TAF2: variants seen among roughly 807,000 people sequenced by gnomAD.
The protein encoded by TAF2 is transcription initiation factor TFIID subunit 2.
Under a neutral mutation model 138.5 loss-of-function variants are expected in TAF2, and 61 were observed. That is an observed-to-expected ratio of 0.44 (90% CI 0.36 to 0.54). TAF2 has a LOEUF of 0.54. Among genes scored for constraint, TAF2 ranks in the 20% least tolerant of loss-of-function variants. The probability of loss-of-function intolerance (pLI) is 0.00; values close to 1 mark genes in which losing one functional copy is unlikely to be tolerated. For missense variants in TAF2, 1,090 were observed against 1,427.9 expected, an observed-to-expected ratio of 0.76 and a Z score of 3.81; for synonymous variants, 475 against 469.9, an observed-to-expected ratio of 1.01 and a Z score of -0.14.
chr8:119,831,637 T>C (rs1023990483), intron 2 of TAF2, 40 bp downstream of exon 2: 2 of 1,455,592 alleles, frequency 1.4e-6, no homozygotes, highest in Admixed American at 3.4e-5. Flanking sequence ...CTCTTTATAG[T>C]GGACTTGTTA....
At chr8:119,810,184 T>C (rs959111890) in intron 3 of TAF2, among the ~76,000 whole-genome samples, 2 of 152,092 alleles carry the variant, frequency 1.3e-5, no homozygotes, top group Non-Finnish European at 2.9e-5. Context: ...AAGTAGGATA[T>C]AGAACAGTTC....
rs185240434 is a variant in TAF2, at chr8:119,761,252, T to A, written c.2559-514A>T. 1.9e-3 allele frequency among the ~76,000 whole-genome samples: 282 copies of A among 152,322 alleles called. 2 individuals are homozygous for A. The highest frequency in any genetic ancestry group is 6.4e-3 in the African/African-American group (268 of 41,580). On this transcript the variant is annotated intron_variant, in intron 19 of 25. Coordinates refer to ENST00000378164, the MANE Select transcript of TAF2 (RefSeq NM_003184.4). Reference sequence around the variant, plus strand: ...CCATTGTGTTATCAATTACCCACAGTATTCAGTATAGTAACATGCTTTACA... The same window carrying A: ...CCATTGTGTTATCAATTACCCACAGAATTCAGTATAGTAACATGCTTTACA...
intron 18 of TAF2, 110 bp downstream of exon 18, chr8:119,777,909 G>C: frequency 1.6e-6 from 1 of 633,784 alleles, no homozygotes; most frequent in South Asian, 2.0e-5. Flanking sequence ...GATTTTTATA[G>C]ACTAAATATT....
chr8:119,745,873 C>T (rs1819930988), intron 23 of TAF2, among the ~76,000 whole-genome samples: 2 of 151,304 alleles, frequency 1.3e-5, no homozygotes, highest in South Asian at 4.2e-4. Context: ...CACACAGTCT[C>T]CTCCCAAATC....
In TAF2 at chr8:119,744,325, G is replaced by A. The variant is rs1819801675; in HGVS notation, c.3177C>T (p.Ser1059=). ...GCCTTTCAAGCATGTTTAAATGATG[G>A]GAAATGAAGGCCTGGCTATCATGAA... is the stretch of plus-strand genomic sequence containing the variant. ...DTVHDSQAFI[S]HHLNMLERPS... The change falls in exon 24 of 26, where the codon TCC becomes TCT. Residue 1059 remains serine, a synonymous_variant. Coordinates refer to ENST00000378164, the MANE Select transcript of TAF2 (RefSeq NM_003184.4). The A allele has an allele frequency of 6.2e-7, 1 of 1,613,686 alleles. No homozygotes were observed. The highest frequency in any genetic ancestry group is 8.5e-7 in the Non-Finnish European group (1 of 1,179,884).
intron 21 of TAF2, among the ~76,000 whole-genome samples, 165 bp downstream of exon 21, chr8:119,757,908 A>C (rs1820807951): frequency 6.6e-6 from 1 of 152,168 alleles, no homozygotes; most frequent in Non-Finnish European, 1.5e-5. Flanking sequence ...AAAAAAAACA[A>C]ATAACTTTTA....
At chr8:119,806,687 C>T (rs771469696) in intron 3 of TAF2, among the ~76,000 whole-genome samples, 240 of 151,832 alleles carry the variant, frequency 1.6e-3, no homozygotes, top group Non-Finnish European at 2.7e-3. Context: ...AGGCTGGTCT[C>T]GAACTCCTAA....
Position 119,731,540 on chromosome 8 carries a change from T to C in TAF2, c.*384A>G, listed in dbSNP as rs923433604. 1 of 259,328 alleles carries C rather than the reference T, an allele frequency of 3.9e-6. No homozygotes were observed. The highest frequency in any genetic ancestry group is 9.4e-5 in the East Asian group (1 of 10,678). 16.1% of individuals were successfully genotyped at this position (259,328 alleles called of 1,614,324 possible). ...ACCACAGATTTGGCAGTTGCTTCTG[T>C]GTAAATCATAACTTTGCCCCATAAC... On this transcript the variant is annotated 3_prime_UTR_variant, in exon 26 of 26. Coordinates refer to ENST00000378164, the MANE Select transcript of TAF2 (RefSeq NM_003184.4).
chr8:119,776,986 A>G (rs1822293204), intron 18 of TAF2, among the ~76,000 whole-genome samples: 1 of 152,110 alleles, frequency 6.6e-6, no homozygotes, highest in Non-Finnish European at 1.5e-5. Context: ...TTATTTGGGG[A>G]AGAAAAAGGA....
In TAF2 at chr8:119,832,595, C is replaced by T; in HGVS notation, c.-31G>A. 1 of 1,603,074 alleles carries T rather than the reference C, an allele frequency of 6.2e-7. No homozygotes were observed. Among genetic ancestry groups the T allele is most frequent in the Non-Finnish European group, 8.5e-7 (1 of 1,173,326 alleles). ...GGTCCCGCGGAGCTTGGCTTCCCGG[C>T]TTCCTAGGGGGATACGGGGCATTAC... On this transcript the variant is annotated 5_prime_UTR_variant, in exon 1 of 26. Coordinates refer to ENST00000378164, the MANE Select transcript of TAF2 (RefSeq NM_003184.4).
At chr8:119,815,808 A>G (rs921285104) in intron 3 of TAF2, among the ~76,000 whole-genome samples, 2 of 152,242 alleles carry the variant, frequency 1.3e-5, no homozygotes, top group Non-Finnish European at 2.9e-5. Flanking sequence ...CACACAAAAT[A>G]TATGTCGAAA....
At chr8:119,763,225 A>G (rs1821185979) in intron 18 of TAF2, among the ~76,000 whole-genome samples, 1 of 152,204 alleles carries the variant, frequency 6.6e-6, no homozygotes, top group African/African-American at 2.4e-5. Context: ...GGGGCAGGAA[A>G]AAAAGCAAGG....
At chr8:119,824,270 A>G (rs1246626119) in intron 2 of TAF2, among the ~76,000 whole-genome samples, 2 of 151,886 alleles carry the variant, frequency 1.3e-5, no homozygotes, top group Non-Finnish European at 2.9e-5. Flanking sequence ...CTCTACTAAA[A>G]ATACAGAAAA....
chr8:119,747,467 T>C (rs920835377), intron 22 of TAF2, among the ~76,000 whole-genome samples: 3 of 152,212 alleles, frequency 2.0e-5, no homozygotes, highest in African/African-American at 7.2e-5. Flanking sequence ...AGACGTGGAC[T>C]TGACCAGAAA....
chr8:119,744,277 A>G lies in TAF2; in HGVS notation c.3214+11T>C, dbSNP rs370740616. On this transcript the variant is annotated intron_variant, in intron 24 of 25. Coordinates refer to ENST00000378164, the MANE Select transcript of TAF2 (RefSeq NM_003184.4). ...TCCATCTCCTCAATGATTGCAGAAT[A>G]CTAATCTTACCTGGAGTTGACGGCC... 1.6e-5 allele frequency: 26 copies of G among 1,610,530 alleles called. No individual in the cohort carries two copies. Among genetic ancestry groups the G allele is most frequent in the Non-Finnish European group, 2.2e-5 (26 of 1,176,926 alleles).
Position 119,733,780 on chromosome 8 carries a change from G to GCCCC in TAF2, c.3338-1598_3338-1595dup, listed in dbSNP as rs112007210. ...ATTCTCATAAATATCTCTTAAATCC[G>GCCCC]CCCCCCCCCATCCTAATCCTGTCTG... is the stretch of plus-strand genomic sequence containing the variant. On this transcript the variant is annotated intron_variant, in intron 25 of 25. Coordinates refer to ENST00000378164, the MANE Select transcript of TAF2 (RefSeq NM_003184.4). Among the ~76,000 whole-genome samples the GCCCC allele has an allele frequency of 6.7e-5, 10 of 149,170 alleles. No homozygotes were observed. In the South Asian group the frequency reaches 1.9e-3, roughly 29 times the overall value.
intron 2 of TAF2, among the ~76,000 whole-genome samples, chr8:119,821,595 G>A (rs1054243703): frequency 2.0e-5 from 3 of 152,150 alleles, no homozygotes; most frequent in South Asian, 4.1e-4. Context: ...TAGTGTCACC[G>A]TGAAAAGCAG....
chr8:119,740,631 C>T (rs1440714908), intron 25 of TAF2, among the ~76,000 whole-genome samples: 1 of 142,532 alleles, frequency 7.0e-6, no homozygotes, highest in Non-Finnish European at 1.5e-5. Context: ...CATCACTGCA[C>T]TCCAGCCTGG....
chr8:119,808,762 G>A (rs190842235), intron 3 of TAF2, among the ~76,000 whole-genome samples: 25 of 152,278 alleles, frequency 1.6e-4, no homozygotes, highest in African/African-American at 6.0e-4. Context: ...TGGGTAACCA[G>A]GTGTCTTGTC....
Sources: gnomAD v4.1 joint callset for allele counts (sites outside exome capture counted in the v4.1 genomes callset) on GRCh38, gnomAD v4.1.1 for gene constraint, MANE v1.5 for transcripts, NCBI Gene and HGNC (gene_info 2026-07-23, HGNC 2026-07-21) for gene names.